The following STON2 variants were observed in gnomAD, a reference collection of about 807,000 sequenced individuals.
STON2 encodes the protein stonin-2.
STON2 carries 29 observed loss-of-function variants against 65.7 expected under a neutral mutation model. The observed-to-expected ratio is 0.44, with a 90% confidence interval of 0.33 to 0.60. The LOEUF is 0.60. Ranked by LOEUF, STON2 falls within the 20% of genes least tolerant of loss-of-function variation. The pLI, the probability that STON2 is intolerant of heterozygous loss-of-function variation, is 0.03. For missense variants in STON2, 1,054 were observed against 1,118.1 expected (o/e 0.94, Z 0.82); for synonymous variants, 404 against 414.2 (o/e 0.98, Z 0.30).
intron 3 of STON2, among the ~76,000 whole-genome samples, chr14:81,377,071 T>A (rs1595415774): frequency 6.6e-6 from 1 of 152,302 alleles, no homozygotes; most frequent in South Asian, 2.1e-4. Context: ...GGTACATGTA[T>A]CCACCACAGT....
intron 4 of STON2, among the ~76,000 whole-genome samples, chr14:81,339,906 A>G (rs147253631): frequency 5.5e-4 from 84 of 152,118 alleles, no homozygotes; most frequent in African/African-American, 1.7e-3. Flanking sequence ...TGTAATCCCA[A>G]CACTTTGGGA....
intron 4 of STON2, among the ~76,000 whole-genome samples, chr14:81,339,886 G>A (rs1334728037): frequency 3.3e-5 from 5 of 152,214 alleles, no homozygotes; most frequent in Non-Finnish European, 7.3e-5. Context: ...TGGGCGTGGT[G>A]GCTCACGCCT....
chr14:81,277,706 G>A lies in STON2; in HGVS notation c.1776C>T (p.Tyr592=), dbSNP rs751170022. 24 of 1,614,062 alleles carry A rather than the reference G, an allele frequency of 1.5e-5. No homozygotes were observed. Among genetic ancestry groups the A allele is most frequent in the Middle Eastern group, 1.6e-4 (1 of 6,084 alleles). ...EQVIKLGTTN[Y]DDFLSFIHAV... The stretch of plus-strand genomic sequence containing the variant: ...CATGGATGAAACTCAGGAAGTCATC[G>A]TAATTGGTGGTGCCCAGCTTAATCA... Residue 592 remains tyrosine, a synonymous_variant, in exon 6 of 8, where the codon TAC becomes TAT. Coordinates refer to ENST00000614646, the MANE Select transcript of STON2 (RefSeq NM_001394390.1).
At chr14:81,269,483 TGA>T (rs1894487104) in intron 7 of STON2, 1 of 985,464 alleles carries the variant, frequency 1.0e-6, no homozygotes, top group Non-Finnish European at 1.2e-6. Flanking sequence ...AGGAATTCTT[TGA>T]GCTCAGGGTT....
intron 5 of STON2, among the ~76,000 whole-genome samples, chr14:81,313,086 C>T (rs1311846099): frequency 6.6e-6 from 1 of 152,242 alleles, no homozygotes; most frequent in Non-Finnish European, 1.5e-5. Flanking sequence ...TTCCATTCTA[C>T]ATACTATCTA....
At chr14:81,394,917 C>G (rs1205590992) in intron 3 of STON2, 3 of 152,196 alleles carry the variant, frequency 2.0e-5, no homozygotes, top group Non-Finnish European at 4.4e-5. Flanking sequence ...AGCCACTACA[C>G]TTGTGGTGAC....
intron 3 of STON2, among the ~76,000 whole-genome samples, chr14:81,390,775 T>C (rs1167019558): frequency 6.6e-6 from 1 of 152,186 alleles, no homozygotes; most frequent in Non-Finnish European, 1.5e-5. Flanking sequence ...CAACAGTAAT[T>C]TATTCTCTCA....
At chr14:81,354,395 G>T (rs1376504676) in intron 4 of STON2, among the ~76,000 whole-genome samples, 2 of 152,154 alleles carry the variant, frequency 1.3e-5, no homozygotes, top group South Asian at 4.1e-4. Context: ...AAGAACACCT[G>T]TAACAGCCAG....
chr14:81,341,457 GT>G (rs1156390907), intron 4 of STON2, among the ~76,000 whole-genome samples: 8 of 123,896 alleles, frequency 6.5e-5, no homozygotes, highest in South Asian at 2.6e-4. Flanking sequence ...TTTTTTTTTT[GT>G]TTTTTTTTTT....
intron 5 of STON2, among the ~76,000 whole-genome samples, chr14:81,283,557 G>A (rs1895212157): frequency 1.4e-5 from 2 of 143,104 alleles, no homozygotes; most frequent in African/African-American, 5.3e-5. Flanking sequence ...TTGAGATGGA[G>A]TCTCGCTGTG....
Position 81,398,434 on chromosome 14 carries a change from A to T in STON2, c.-52T>A. On this transcript the variant is annotated 5_prime_UTR_variant, in exon 2 of 8. Coordinates refer to ENST00000614646, the MANE Select transcript of STON2 (RefSeq NM_001394390.1). ...ACTGCTGACCTCAGGTGAACCCCAG[A>T]ATACTGTCTGGGGTGGGCTGGAGTA... is the stretch of plus-strand genomic sequence containing the variant. The T allele has an allele frequency of 6.8e-7, 1 of 1,476,520 alleles. No individual in the cohort carries two copies. The highest frequency in any genetic ancestry group is 9.5e-7 in the Non-Finnish European group (1 of 1,055,630). The allele number at this position is 1,476,520 out of a possible 1,614,324, so 91.5% of individuals were successfully genotyped here.
intron 6 of STON2, among the ~76,000 whole-genome samples, chr14:81,271,858 G>C (rs1894608649): frequency 6.6e-6 from 1 of 152,178 alleles, no homozygotes; most frequent in South Asian, 2.1e-4. Context: ...TGAGTCTTCA[G>C]TATGATCTTT....
At chr14:81,332,272 C>G (rs1897242031) in intron 4 of STON2, among the ~76,000 whole-genome samples, 1 of 152,188 alleles carries the variant, frequency 6.6e-6, no homozygotes, top group South Asian at 2.1e-4. Flanking sequence ...GGATATCCAG[C>G]TTGCTTTGTA....
At position 81,361,253 on chromosome 14, in the gene STON2, A is replaced by G. The variant is rs575144473; in HGVS notation, c.571+9735T>C. On this transcript the variant is annotated intron_variant, in intron 4 of 7. Coordinates refer to ENST00000614646, the MANE Select transcript of STON2 (RefSeq NM_001394390.1). ...GTATCACACCATATTACTTGAAACAATACTACAAGGATATAGAAACTAAAA... is the reference window on the plus strand; with the variant it reads ...GTATCACACCATATTACTTGAAACAGTACTACAAGGATATAGAAACTAAAA... 4.3e-4 allele frequency among the ~76,000 whole-genome samples: 66 copies of G among 152,318 alleles called. 3 individuals carry two copies. In the South Asian group the frequency reaches 0.013, roughly 30 times the overall value.
chr14:81,426,147 A>G (rs1242239721), intron 2 of STON2, among the ~76,000 whole-genome samples: 5 of 152,230 alleles, frequency 3.3e-5, no homozygotes, highest in African/African-American at 9.6e-5. Context: ...ACAGGCAAAG[A>G]AACTGAGTCT....
intron 2 of STON2, among the ~76,000 whole-genome samples, chr14:81,409,721 C>CTT (rs1244655994): frequency 6.6e-6 from 1 of 152,188 alleles, no homozygotes; most frequent in African/African-American, 2.4e-5. Flanking sequence ...CCTCCTGACT[C>CTT]TATAAATTCT....
intron 2 of STON2, among the ~76,000 whole-genome samples, chr14:81,410,050 CTTA>C (rs777095486): frequency 6.2e-4 from 94 of 152,162 alleles, no homozygotes; most frequent in Non-Finnish European, 6.5e-4. Flanking sequence ...TCTGATCCTT[CTTA>C]TTTTCTCTTT....
intron 5 of STON2, among the ~76,000 whole-genome samples, chr14:81,304,590 G>T (rs1487021453): frequency 1.3e-5 from 2 of 152,118 alleles, no homozygotes; most frequent in Non-Finnish European, 2.9e-5. Context: ...TGGGTGTGAT[G>T]AAACAGGCCT....
intron 2 of STON2, among the ~76,000 whole-genome samples, chr14:81,420,846 T>A (rs142020860): frequency 3.5e-4 from 54 of 152,282 alleles, no homozygotes; most frequent in African/African-American, 1.3e-3. Context: ...AAAACTGTTG[T>A]TTGCTATCAA....
Sources: gnomAD v4.1 joint callset for allele counts (sites outside exome capture counted in the v4.1 genomes callset) on GRCh38, gnomAD v4.1.1 for gene constraint, MANE v1.5 for transcripts, NCBI Gene and HGNC (gene_info 2026-07-23, HGNC 2026-07-21) for gene names.